KCNIP4: variants seen among roughly 807,000 people sequenced by gnomAD.
KCNIP4 encodes the protein potassium voltage-gated channel interacting protein 4.
KCNIP4 carries 12 observed loss-of-function variants against 34.0 expected under a neutral mutation model. The ratio of observed to expected loss-of-function variants is 0.35; its 90% CI spans 0.23 to 0.57. The LOEUF (loss-of-function observed/expected upper bound fraction) is 0.57, where lower values mean the gene tolerates loss of function less well. Among genes scored for constraint, KCNIP4 ranks in the 20% least tolerant of loss-of-function variants. The probability of loss-of-function intolerance (pLI) is 0.83; values close to 1 mark genes in which losing one functional copy is unlikely to be tolerated. For missense variants in KCNIP4, 238 were observed against 311.7 expected (o/e 0.76, Z 1.78); for synonymous variants, 124 against 102.2 (o/e 1.21, Z -1.29).
At chr4:21,375,637 G>T (rs1720892359) in intron 1 of KCNIP4, among the ~76,000 whole-genome samples, 1 of 150,606 alleles carries the variant, frequency 6.6e-6, no homozygotes, top group Non-Finnish European at 1.5e-5. Context: ...TGCGATCTCT[G>T]CTCACTGCAA....
intron 1 of KCNIP4, among the ~76,000 whole-genome samples, chr4:21,457,449 T>C (rs749278221): frequency 4.6e-5 from 7 of 152,156 alleles, no homozygotes; most frequent in Non-Finnish European, 1.0e-4. Context: ...TTTCAGAGAA[T>C]CCTTCAACAT....
At chr4:21,176,244 C>G (rs1181839000) in intron 1 of KCNIP4, among the ~76,000 whole-genome samples, 2 of 152,106 alleles carry the variant, frequency 1.3e-5, no homozygotes, top group Non-Finnish European at 2.9e-5. Flanking sequence ...ACTAAAACAG[C>G]CTTTGTTTTC....
chr4:21,234,082 A>ATAAC, intron 1 of KCNIP4, among the ~76,000 whole-genome samples: 1 of 104,548 alleles, frequency 9.6e-6, no homozygotes, highest in South Asian at 2.6e-4. Context: ...CATAACATAT[A>ATAAC]ACGTATATTA....
At chr4:20,843,495 G>A (rs1345200937) in intron 3 of KCNIP4, among the ~76,000 whole-genome samples, 1 of 152,050 alleles carries the variant, frequency 6.6e-6, no homozygotes, top group Non-Finnish European at 1.5e-5. Context: ...TTTGGGAGGT[G>A]GAGGCAGGCG....
Position 21,601,281 on chromosome 4 carries a change from T to C in KCNIP4, c.61+347290A>G, listed in dbSNP as rs1463863259. 1.1e-4 allele frequency among the ~76,000 whole-genome samples: 16 copies of C among 152,090 alleles called. 1 individual carries two copies. Among genetic ancestry groups the C allele is most frequent in the Admixed American group, 1.1e-3 (16 of 15,222 alleles). ...TTTCACATTGCCAAAAGAATCAATT[T>C]CAACATCCATGCAATTAAAAAGTGC... On this transcript the variant is annotated intron_variant, in intron 1 of 8. Coordinates refer to ENST00000382152, the MANE Select transcript of KCNIP4 (RefSeq NM_025221.6).
At chr4:20,995,439 G>T (rs938432235) in intron 1 of KCNIP4, among the ~76,000 whole-genome samples, 1 of 152,112 alleles carries the variant, frequency 6.6e-6, no homozygotes, top group African/African-American at 2.4e-5. Context: ...CATCTCTGAG[G>T]TATTTCGATT....
At chr4:21,134,924 C>T (rs1360768827) in intron 1 of KCNIP4, among the ~76,000 whole-genome samples, 3 of 152,334 alleles carry the variant, frequency 2.0e-5, no homozygotes, top group East Asian at 3.9e-4. Flanking sequence ...ACTTCTTGAC[C>T]TAGGCACCTG....
intron 1 of KCNIP4, among the ~76,000 whole-genome samples, chr4:21,326,670 T>A (rs1715099204): frequency 1.3e-5 from 2 of 151,036 alleles, no homozygotes; most frequent in South Asian, 4.2e-4. Context: ...GACTTACCCC[T>A]GCCATTTTGT....
intron 1 of KCNIP4, among the ~76,000 whole-genome samples, chr4:21,478,452 G>A (rs1731168367): frequency 6.6e-6 from 1 of 152,074 alleles, no homozygotes; most frequent in East Asian, 1.9e-4. Flanking sequence ...TGGGGTGGGG[G>A]AAATAGCAAA....
intron 1 of KCNIP4, among the ~76,000 whole-genome samples, chr4:21,805,449 T>C (rs551216590): frequency 1.3e-5 from 2 of 152,190 alleles, no homozygotes; most frequent in East Asian, 3.9e-4. Flanking sequence ...TCATTCTCTC[T>C]TGCCACCACC....
chr4:21,754,983 C>T (rs1479223539), intron 1 of KCNIP4, among the ~76,000 whole-genome samples: 2 of 152,032 alleles, frequency 1.3e-5, no homozygotes, highest in Non-Finnish European at 2.9e-5. Flanking sequence ...CCTGTCTCTA[C>T]TAAAAATACA....
At chr4:21,242,191 GTCT>G (rs1487113457) in intron 1 of KCNIP4, among the ~76,000 whole-genome samples, 1 of 130,706 alleles carries the variant, frequency 7.7e-6, no homozygotes, top group African/African-American at 3.1e-5. Context: ...AAAAAAGAAT[GTCT>G]TCTTATGTTC....
In KCNIP4 at chr4:21,276,302, T is replaced by C. The variant is rs146585694; in HGVS notation, c.62-393593A>G. On this transcript the variant is annotated intron_variant, in intron 1 of 8. Transcript: ENST00000382152. ...ACTGTGAGACAATACATTTCTGTGGTTTAAGCCACCCTGTTTGTGGTAGTT... is the reference window on the plus strand; with the variant it reads ...ACTGTGAGACAATACATTTCTGTGGCTTAAGCCACCCTGTTTGTGGTAGTT... Among the ~76,000 whole-genome samples, 824 of 152,158 alleles carry C rather than the reference T, an allele frequency of 5.4e-3. 3 individuals are homozygous for C. The highest frequency in any genetic ancestry group is 0.014 in the Middle Eastern group (4 of 294).
intron 3 of KCNIP4, among the ~76,000 whole-genome samples, chr4:20,816,624 C>T (rs764604039): frequency 1.8e-4 from 28 of 152,196 alleles, no homozygotes; most frequent in Admixed American, 1.8e-3. Context: ...GTTGAAGACA[C>T]TTTGCCAATT....
intron 1 of KCNIP4, among the ~76,000 whole-genome samples, chr4:21,096,704 T>A (rs1302851877): frequency 1.3e-5 from 2 of 152,186 alleles, no homozygotes; most frequent in Non-Finnish European, 2.9e-5. Flanking sequence ...TCATTTACAA[T>A]ATATATTTGG....
chr4:21,561,367 A>G (rs541567128), intron 1 of KCNIP4, among the ~76,000 whole-genome samples: 7 of 152,022 alleles, frequency 4.6e-5, no homozygotes, highest in Non-Finnish European at 1.0e-4. Flanking sequence ...AGAAAGAGGG[A>G]GTTTAAGGGA....
rs141954516 is a variant in KCNIP4, at chr4:21,059,298, C to T, written c.62-176589G>A. On this transcript the variant is annotated intron_variant, in intron 1 of 8. Coordinates refer to ENST00000382152, the MANE Select transcript of KCNIP4 (RefSeq NM_025221.6). Reference sequence around the variant, plus strand: ...ACTTCTGTACTCCCTCTTCCAGTGACGTTAATCTCTAATCCTGAATGCTGA... The same window carrying T: ...ACTTCTGTACTCCCTCTTCCAGTGATGTTAATCTCTAATCCTGAATGCTGA... 9.6e-3 allele frequency among the ~76,000 whole-genome samples: 1,462 copies of T among 152,238 alleles called. 10 individuals carry two copies. Among genetic ancestry groups the T allele is most frequent in the Non-Finnish European group, 0.016 (1,069 of 68,008 alleles).
chr4:21,517,089 G>A (rs1359208437), intron 1 of KCNIP4, among the ~76,000 whole-genome samples: 2 of 152,092 alleles, frequency 1.3e-5, no homozygotes, highest in South Asian at 2.1e-4. Context: ...AGCTTTTTGT[G>A]AAGAACAATG....
intron 1 of KCNIP4, among the ~76,000 whole-genome samples, chr4:21,203,348 A>G (rs546938781): frequency 2.0e-5 from 3 of 152,182 alleles, no homozygotes; most frequent in African/African-American, 7.2e-5. Flanking sequence ...ATTGGCAGAA[A>G]AAAGGGGCAT....
Sources: allele counts gnomAD v4.1 joint callset (sites outside exome capture counted in the v4.1 genomes callset), GRCh38; gene constraint gnomAD v4.1.1; transcripts MANE v1.5; gene names NCBI Gene and HGNC (gene_info 2026-07-23, HGNC 2026-07-21).